The following FTCDNL1 variants were observed in gnomAD, a reference collection of about 807,000 sequenced individuals.
FTCDNL1 encodes formiminotransferase cyclodeaminase N-terminal like.
Under a neutral mutation model 5.9 loss-of-function variants are expected in FTCDNL1, and 11 were observed. That is an observed-to-expected ratio of 1.87 (90% CI 1.18 to 3.10). FTCDNL1 has a LOEUF of 3.10. Among genes scored for constraint, FTCDNL1 ranks in the 30% most tolerant of loss-of-function variants. The pLI is 0.00. For synonymous variants in FTCDNL1, 58 were observed against 24.8 expected (o/e 2.34, Z -3.99); for missense variants, 115 against 65.5 (o/e 1.76, Z -2.61).
chr2:199,844,248 G>T (rs932546612), intron 3 of FTCDNL1: 12 of 405,890 alleles, frequency 3.0e-5, no homozygotes, highest in African/African-American at 1.4e-4. Flanking sequence ...AACACACAGT[G>T]TATTGTTGAT....
In FTCDNL1 at chr2:199,810,038, T is replaced by G. The variant is rs1484148272; in HGVS notation, c.*2667A>C. Among the ~76,000 whole-genome samples the G allele has an allele frequency of 6.7e-6, 1 of 150,206 alleles. No individual in the cohort carries two copies. Among genetic ancestry groups the G allele is most frequent in the Non-Finnish European group, 1.5e-5 (1 of 67,420 alleles). Reference sequence around the variant, plus strand: ...TATCTACTCTAAACTATCCGAAGGATTTTTTTTTTCCTAAAAGAGCTCGAA... The same window carrying G: ...TATCTACTCTAAACTATCCGAAGGAGTTTTTTTTTCCTAAAAGAGCTCGAA... On this transcript the variant is annotated 3_prime_UTR_variant, in exon 5 of 5. Coordinates refer to ENST00000420128, the MANE Select transcript of FTCDNL1 (RefSeq NM_001363886.2).
At chr2:199,762,772 A>T (rs1040635242) in intron 3 of FTCDNL1, among the ~76,000 whole-genome samples, 4 of 152,216 alleles carry the variant, frequency 2.6e-5, no homozygotes, top group African/African-American at 9.6e-5. Context: ...ATATACAGTT[A>T]TATCTATCAT....
the FTCDNL1 span, among the ~76,000 whole-genome samples, chr2:199,687,313 AT>A: frequency 6.6e-6 from 1 of 152,220 alleles, no homozygotes. Flanking sequence ...CAAAGGCAGA[AT>A]TTAATGCACA....
intron 3 of FTCDNL1, among the ~76,000 whole-genome samples, chr2:199,771,266 A>G (rs1422761870): frequency 6.6e-6 from 1 of 152,182 alleles, no homozygotes; most frequent in Non-Finnish European, 1.5e-5. Context: ...GGCTCACGAC[A>G]TGACCCAGAA....
At chr2:199,819,339 T>A (rs1368167081) in intron 4 of FTCDNL1, 2 of 532,024 alleles carry the variant, frequency 3.8e-6, no homozygotes, top group Non-Finnish European at 6.7e-6. Context: ...TAATGATATA[T>A]CTTGAATATC....
the FTCDNL1 span, among the ~76,000 whole-genome samples, chr2:199,677,491 G>T: frequency 6.6e-6 from 1 of 152,124 alleles, no homozygotes; most frequent in East Asian, 1.9e-4. Context: ...AAGGCCTTAA[G>T]ACTAAGAAGA....
intron 3 of FTCDNL1, among the ~76,000 whole-genome samples, chr2:199,782,920 A>AT (rs531797545): frequency 4.6e-4 from 70 of 152,266 alleles, no homozygotes; most frequent in African/African-American, 1.6e-3. Context: ...AAGGACTATG[A>AT]TTTTTTTGGG....
At chr2:199,771,918 A>T (rs1381394093) in intron 3 of FTCDNL1, among the ~76,000 whole-genome samples, 3 of 152,222 alleles carry the variant, frequency 2.0e-5, no homozygotes, top group Admixed American at 2.0e-4. Context: ...ACTATGTTTT[A>T]TCCTATATAT....
At chr2:199,781,521 G>C (rs757133703) in intron 3 of FTCDNL1, among the ~76,000 whole-genome samples, 2 of 152,106 alleles carry the variant, frequency 1.3e-5, no homozygotes, top group Admixed American at 6.5e-5. Context: ...TGTCATAATA[G>C]ATTGACACAA....
intron 3 of FTCDNL1, among the ~76,000 whole-genome samples, chr2:199,787,719 G>A (rs1325301918): frequency 1.3e-5 from 2 of 151,962 alleles, no homozygotes; most frequent in African/African-American, 4.8e-5. Flanking sequence ...GACATTATAT[G>A]GGGGAAAAAA....
At chr2:199,723,020 T>C in the FTCDNL1 span, among the ~76,000 whole-genome samples, 1 of 152,118 alleles carries the variant, frequency 6.6e-6, no homozygotes, top group East Asian at 1.9e-4. Flanking sequence ...CATAGGTAAA[T>C]GTGTGTCGTG....
At chr2:199,794,457 T>C (rs959325090) in intron 3 of FTCDNL1, among the ~76,000 whole-genome samples, 2 of 152,240 alleles carry the variant, frequency 1.3e-5, no homozygotes, top group Non-Finnish European at 2.9e-5. Flanking sequence ...AAACCTTGCA[T>C]CTTTCAGTGA....
chr2:199,744,910 C>T, the FTCDNL1 span, among the ~76,000 whole-genome samples: 16 of 152,234 alleles, frequency 1.1e-4, no homozygotes, highest in Non-Finnish European at 2.4e-4. Context: ...CGGGAAAACG[C>T]CCGTTCCTCG....
chr2:199,697,232 G>T, the FTCDNL1 span, among the ~76,000 whole-genome samples: 1 of 152,054 alleles, frequency 6.6e-6, no homozygotes, highest in Non-Finnish European at 1.5e-5. Flanking sequence ...AGATCACGCC[G>T]CTGTGCTCCA....
the FTCDNL1 span, among the ~76,000 whole-genome samples, chr2:199,682,934 A>G: frequency 6.6e-6 from 1 of 152,242 alleles, no homozygotes; most frequent in African/African-American, 2.4e-5. Context: ...TTTAGAACAT[A>G]GAGAAGATGA....
chr2:199,774,856 A>C (rs948614915), intron 3 of FTCDNL1, among the ~76,000 whole-genome samples: 1 of 152,180 alleles, frequency 6.6e-6, no homozygotes, highest in Admixed American at 6.5e-5. Context: ...ATTACTGATT[A>C]CTGACTCAAA....
intron 4 of FTCDNL1, among the ~76,000 whole-genome samples, chr2:199,815,089 T>C (rs559012796): frequency 6.6e-6 from 1 of 152,318 alleles, no homozygotes; most frequent in South Asian, 2.1e-4. Context: ...GACAGCAGTG[T>C]TTAAATTACC....
chr2:199,670,821 A>G, the FTCDNL1 span, among the ~76,000 whole-genome samples: 5 of 152,100 alleles, frequency 3.3e-5, no homozygotes, highest in Non-Finnish European at 7.4e-5. Context: ...CCCCTTTCCT[A>G]CTAAGAGGTT....
intron 3 of FTCDNL1, among the ~76,000 whole-genome samples, chr2:199,794,826 C>T (rs1298391189): frequency 6.6e-6 from 1 of 152,064 alleles, no homozygotes; most frequent in African/African-American, 2.4e-5. Flanking sequence ...TTGCAGTGAC[C>T]CAAGATCAAG....
Sources: allele counts gnomAD v4.1 joint callset (sites outside exome capture counted in the v4.1 genomes callset), GRCh38; gene constraint gnomAD v4.1.1; transcripts MANE v1.5; gene names NCBI Gene and HGNC (gene_info 2026-07-23, HGNC 2026-07-21).